The following UNC5D variants were observed in gnomAD, a reference collection of about 807,000 sequenced individuals.
UNC5D encodes the protein netrin receptor UNC5D.
UNC5D carries 39 observed loss-of-function variants against 105.4 expected under a neutral mutation model. The observed-to-expected ratio is 0.37, with a 90% CI of 0.29 to 0.48. UNC5D has a LOEUF of 0.48. Among genes scored for constraint, UNC5D ranks in the 20% least tolerant of loss-of-function variants. The pLI is 0.98. For synonymous variants in UNC5D, 452 were observed against 450.4 expected, an observed-to-expected ratio of 1.00 and a Z score of -0.04; for missense variants, 991 against 1,202.4, an observed-to-expected ratio of 0.82 and a Z score of 2.60.
intron 1 of UNC5D, among the ~76,000 whole-genome samples, chr8:35,277,769 T>G (rs1480001216): frequency 2.0e-5 from 3 of 152,200 alleles, no homozygotes; most frequent in Non-Finnish European, 4.4e-5. Flanking sequence ...TACTTCCATC[T>G]CTTGTTGTCT....
intron 1 of UNC5D, among the ~76,000 whole-genome samples, chr8:35,261,099 G>A (rs1804460179): frequency 6.6e-6 from 1 of 152,178 alleles, no homozygotes; most frequent in South Asian, 2.1e-4. Flanking sequence ...ATTCTACTCT[G>A]AGTTTACTGC....
At chr8:35,424,973 T>A (rs1297987657) in intron 1 of UNC5D, among the ~76,000 whole-genome samples, 1 of 152,170 alleles carries the variant, frequency 6.6e-6, no homozygotes, top group East Asian at 1.9e-4. Context: ...TGGGTGATCA[T>A]GTACTGGGCT....
chr8:35,597,777 T>G (rs868642210), intron 4 of UNC5D, among the ~76,000 whole-genome samples: 22 of 152,204 alleles, frequency 1.4e-4, no homozygotes, highest in African/African-American at 4.8e-4. Context: ...GGAAAACTGA[T>G]GCTTGTATTA....
intron 11 of UNC5D, among the ~76,000 whole-genome samples, chr8:35,742,510 C>T (rs2131611721): frequency 6.6e-6 from 1 of 152,150 alleles, no homozygotes; most frequent in African/African-American, 2.4e-5. Context: ...TACTCTCCTG[C>T]CTGGATTCCT....
At chr8:35,588,548 T>G (rs570699720) in intron 3 of UNC5D, among the ~76,000 whole-genome samples, 1 of 152,284 alleles carries the variant, frequency 6.6e-6, no homozygotes, top group African/African-American at 2.4e-5. Flanking sequence ...CTCCATCTCA[T>G]CACTCAAATG....
intron 4 of UNC5D, among the ~76,000 whole-genome samples, chr8:35,678,998 A>C (rs1335353000): frequency 6.6e-6 from 1 of 152,148 alleles, no homozygotes; most frequent in African/African-American, 2.4e-5. Context: ...CATGCCAGTA[A>C]TCCCAGCACT....
intron 1 of UNC5D, among the ~76,000 whole-genome samples, chr8:35,414,435 CT>C (rs1805400999): frequency 6.6e-6 from 1 of 152,092 alleles, no homozygotes; most frequent in Non-Finnish European, 1.5e-5. Flanking sequence ...CTTACAGCTG[CT>C]CTTGCCTTAT....
chr8:35,321,930 A>G (rs1010771964), intron 1 of UNC5D, among the ~76,000 whole-genome samples: 2 of 152,164 alleles, frequency 1.3e-5, no homozygotes, highest in African/African-American at 4.8e-5. Flanking sequence ...TGTTAAGTGG[A>G]TATCCTCATT....
intron 4 of UNC5D, among the ~76,000 whole-genome samples, chr8:35,681,241 G>A (rs1247976686): frequency 6.6e-6 from 1 of 152,142 alleles, no homozygotes; most frequent in Non-Finnish European, 1.5e-5. Context: ...ACCCAAGACT[G>A]GGTAATTTTC....
intron 1 of UNC5D, among the ~76,000 whole-genome samples, chr8:35,405,095 A>G (rs1241709481): frequency 1.3e-5 from 2 of 152,216 alleles, no homozygotes; most frequent in African/African-American, 2.4e-5. Flanking sequence ...TAGAAACAAT[A>G]TGTGAGCAAA....
chr8:35,441,367 G>A (rs1456388734), intron 1 of UNC5D, among the ~76,000 whole-genome samples: 2 of 151,810 alleles, frequency 1.3e-5, no homozygotes, highest in Non-Finnish European at 2.9e-5. Flanking sequence ...ATCTCTTACT[G>A]TGTCTAATTT....
chr8:35,779,496 T>C (rs1283766864), intron 16 of UNC5D, among the ~76,000 whole-genome samples: 2 of 152,188 alleles, frequency 1.3e-5, no homozygotes, highest in Admixed American at 1.3e-4. Context: ...TCTTTCTCTG[T>C]TGCCCACACT....
At chr8:35,317,324 T>G (rs951088315) in intron 1 of UNC5D, among the ~76,000 whole-genome samples, 3 of 152,158 alleles carry the variant, frequency 2.0e-5, no homozygotes, top group South Asian at 4.1e-4. Flanking sequence ...CTCAAAGAGT[T>G]AAATTGGTTC....
intron 1 of UNC5D, among the ~76,000 whole-genome samples, chr8:35,518,765 T>C (rs10102863): frequency 0.16 from 24,663 of 152,122 alleles, 2,629 homozygotes; most frequent in East Asian, 0.27. Flanking sequence ...ACATGGACTC[T>C]CTAGGAAGAC....
chr8:35,776,437 G>C (rs1443211017), intron 16 of UNC5D, among the ~76,000 whole-genome samples: 1 of 152,188 alleles, frequency 6.6e-6, no homozygotes, highest in Non-Finnish European at 1.5e-5. Flanking sequence ...GAACTACAGG[G>C]AGTACCTCCA....
chr8:35,245,273 G>GT (rs771472867), intron 1 of UNC5D, among the ~76,000 whole-genome samples: 98 of 151,598 alleles, frequency 6.5e-4, no homozygotes, highest in Non-Finnish European at 1.2e-3. Context: ...TGTCTAGCCT[G>GT]TTTTTTTTAA....
intron 7 of UNC5D, among the ~76,000 whole-genome samples, chr8:35,695,077 A>G (rs1170038395): frequency 6.6e-6 from 1 of 152,200 alleles, no homozygotes; most frequent in Non-Finnish European, 1.5e-5. Context: ...TACATTCATT[A>G]CATTCTTTAT....
intron 1 of UNC5D, among the ~76,000 whole-genome samples, chr8:35,476,724 C>A (rs924129607): frequency 5.3e-5 from 8 of 152,170 alleles, no homozygotes; most frequent in African/African-American, 1.4e-4. Flanking sequence ...CAGACCTCTC[C>A]TGAAAATTAA....
chr8:35,247,192 T>C (rs1307628116), intron 1 of UNC5D, among the ~76,000 whole-genome samples: 1 of 151,946 alleles, frequency 6.6e-6, no homozygotes. Flanking sequence ...TAAAGACTAT[T>C]GATCATTTTA....
Sources: allele counts gnomAD v4.1 joint callset (sites outside exome capture counted in the v4.1 genomes callset), GRCh38; gene constraint gnomAD v4.1.1; transcripts MANE v1.5; gene names NCBI Gene and HGNC (gene_info 2026-07-23, HGNC 2026-07-21).